SREK1IP1: variants seen among roughly 807,000 people sequenced by gnomAD.
SREK1IP1 encodes the protein SREK1 interacting protein 1.
A neutral mutation model predicts 22.8 loss-of-function variants in SREK1IP1; 12 were observed. That is an observed-to-expected ratio of 0.53 (90% CI 0.34 to 0.85). The LOEUF (loss-of-function observed/expected upper bound fraction) is 0.85. Among genes scored for constraint, SREK1IP1 ranks in the 40% least tolerant of loss-of-function variants. The pLI is 0.02. For missense variants in SREK1IP1, 147 were observed against 171.8 expected (o/e 0.86, Z 0.81); for synonymous variants, 53 against 52.7 (o/e 1.01, Z -0.02).
chr5:64,743,222 A>G (rs538070613), intron 2 of SREK1IP1, among the ~76,000 whole-genome samples: 1 of 152,340 alleles, frequency 6.6e-6, no homozygotes, highest in South Asian at 2.1e-4. Flanking sequence ...GTTCCTTGTC[A>G]ATGTTTAGAT....
Position 64,746,013 on chromosome 5 carries a change from A to T in SREK1IP1, c.62-4813T>A, listed in dbSNP as rs961716614. On this transcript the variant is annotated intron_variant, in intron 2 of 4. Transcript: ENST00000513458. Reference sequence around the variant, plus strand: ...AGCAATCAAAGCAGTTGGTACTGGCATAAGAATAGACACACAGACCAATGG... The same window carrying T: ...AGCAATCAAAGCAGTTGGTACTGGCTTAAGAATAGACACACAGACCAATGG... Among the ~76,000 whole-genome samples the T allele has an allele frequency of 2.6e-5, 4 of 152,234 alleles. No homozygotes were observed. In the South Asian group the frequency reaches 8.3e-4, roughly 31 times the overall value.
At chr5:64,766,705 G>A (rs1277899110) in intron 1 of SREK1IP1, among the ~76,000 whole-genome samples, 1 of 152,182 alleles carries the variant, frequency 6.6e-6, no homozygotes, top group Admixed American at 6.5e-5. Context: ...CAAAATGAAT[G>A]AAGTACACAG....
rs568883464 is a variant in SREK1IP1, at chr5:64,734,614, A to G, written c.206-6435T>C. Among the ~76,000 whole-genome samples the G allele has an allele frequency of 6.6e-5, 10 of 152,102 alleles. No individual in the cohort carries two copies. In the South Asian group the frequency reaches 2.1e-3, roughly 32 times the overall value. On this transcript the variant is annotated intron_variant, in intron 3 of 4. Transcript: ENST00000513458. ...ATGTCCCTCAACAATATTTTGTAAA[A>G]TATGTTTCAGTCTTGCATACCTTGT...
intron 1 of SREK1IP1, among the ~76,000 whole-genome samples, chr5:64,763,978 T>G (rs962340350): frequency 1.3e-5 from 2 of 152,196 alleles, no homozygotes; most frequent in Non-Finnish European, 2.9e-5. Flanking sequence ...AAGGTTAACA[T>G]AACAGTGGTG....
At chr5:64,757,576 T>C (rs941291217) in intron 1 of SREK1IP1, among the ~76,000 whole-genome samples, 14 of 152,206 alleles carry the variant, frequency 9.2e-5, no homozygotes, top group Admixed American at 9.2e-4. Context: ...CACAGGAGTA[T>C]ACAAAATACA....
intron 2 of SREK1IP1, among the ~76,000 whole-genome samples, chr5:64,742,236 G>A (rs1412264420): frequency 1.3e-5 from 2 of 151,984 alleles, no homozygotes; most frequent in Non-Finnish European, 2.9e-5. Flanking sequence ...TGATAGAAAC[G>A]TAGGTTGCTT....
rs1397950692 is a variant in SREK1IP1 at position 64,719,234 on chromosome 5, C to T, written c.*5150G>A. ...TCATTTATTTAATTAATTTAAATAA[C>T]CCTATGTGGCTATACTGGCACCATA... On this transcript the variant is annotated 3_prime_UTR_variant, in exon 5 of 5. Transcript: ENST00000513458. The T allele has an allele frequency of 6.6e-6, 1 of 152,098 alleles. No individual in the cohort carries two copies. The highest frequency in any genetic ancestry group is 1.9e-4 in the East Asian group (1 of 5,188). The allele number at this position is 152,098 out of a possible 1,614,324, so 9.4% of individuals were successfully genotyped here. A position where few individuals can be genotyped will look rare whatever the true frequency, so the allele number is the denominator to read the frequency against.
chr5:64,737,219 T>G (rs1044522045), intron 3 of SREK1IP1, among the ~76,000 whole-genome samples: 43 of 151,866 alleles, frequency 2.8e-4, no homozygotes, highest in African/African-American at 9.7e-4. Flanking sequence ...TTAAGAAGAT[T>G]GGAATCATAT....
At chr5:64,753,167 G>A (rs921327065) in intron 2 of SREK1IP1, among the ~76,000 whole-genome samples, 3 of 152,162 alleles carry the variant, frequency 2.0e-5, no homozygotes, top group African/African-American at 7.2e-5. Flanking sequence ...GTTAAAAGAA[G>A]TCCAAGTATA....
chr5:64,761,006 AAAGT>A (rs1421011796), intron 1 of SREK1IP1, among the ~76,000 whole-genome samples: 1 of 152,246 alleles, frequency 6.6e-6, no homozygotes, highest in African/African-American at 2.4e-5. Context: ...AACACTAAGA[AAAGT>A]AACTGTCAAG....
chr5:64,742,871 T>C (rs1277255653), intron 2 of SREK1IP1, among the ~76,000 whole-genome samples: 1 of 152,204 alleles, frequency 6.6e-6, no homozygotes, highest in Non-Finnish European at 1.5e-5. Context: ...TCTTAGTTGT[T>C]TCTTAGTCTA....
At chr5:64,741,870 T>G (rs1742556587) in intron 2 of SREK1IP1, among the ~76,000 whole-genome samples, 1 of 152,144 alleles carries the variant, frequency 6.6e-6, no homozygotes, top group Non-Finnish European at 1.5e-5. Context: ...GTTAACATTT[T>G]GTCATGCTCA....
At chr5:64,727,140 T>C (rs1223493116) in intron 4 of SREK1IP1, among the ~76,000 whole-genome samples, 2 of 152,170 alleles carry the variant, frequency 1.3e-5, no homozygotes, top group Non-Finnish European at 2.9e-5. Context: ...AAAATACATG[T>C]ATTAAATGCT....
Position 64,724,215 on chromosome 5 carries a change from G to A in SREK1IP1, c.*169C>T. 3 of 560,266 alleles carry A rather than the reference G, an allele frequency of 5.4e-6. No individual in the cohort carries two copies. The highest frequency in any genetic ancestry group is 6.2e-6 in the Non-Finnish European group (2 of 321,684). The allele number at this position is 560,266 out of a possible 1,614,324, so 34.7% of individuals were successfully genotyped here. On this transcript the variant is annotated 3_prime_UTR_variant, in exon 5 of 5. Coordinates refer to ENST00000513458, the MANE Select transcript of SREK1IP1 (RefSeq NM_173829.4). ...ACTGATTTAATACTTTACAGTTACA[G>A]CACATTAAAAATATATTGCCAGAGG...
chr5:64,758,205 A>G lies in SREK1IP1; in HGVS notation c.14-3843T>C, dbSNP rs181680399. 2.4e-3 allele frequency among the ~76,000 whole-genome samples: 357 copies of G among 149,286 alleles called. 1 individual carries two copies. The highest frequency in any genetic ancestry group is 7.7e-3 in the African/African-American group (311 of 40,432). ...TTTTTTTGAGACTGAGTCTTGCTCT[A>G]TCACCCAAGCTGGAGTGCAGTGGAG... On this transcript the variant is annotated intron_variant, in intron 1 of 4. Transcript: ENST00000513458.
rs1202879578 is a variant in SREK1IP1 at position 64,768,187 on chromosome 5, TA to T, written c.13+317del. Reference sequence around the variant, plus strand: ...TTTTAGTTTTAAGCCATACCACAGTTAAGGTAGTTTTTCTCGGCCGCTTGCC... The same window carrying T: ...TTTTAGTTTTAAGCCATACCACAGTTAGGTAGTTTTTCTCGGCCGCTTGCC... On this transcript the variant is annotated intron_variant, in intron 1 of 4. Transcript: ENST00000513458. Among the ~76,000 whole-genome samples the T allele has an allele frequency of 2.6e-5, 4 of 152,048 alleles. No homozygotes were observed. In the South Asian group the frequency reaches 6.2e-4, roughly 24 times the overall value.
chr5:64,744,585 A>C (rs1346360016), intron 2 of SREK1IP1, among the ~76,000 whole-genome samples: 1 of 152,200 alleles, frequency 6.6e-6, no homozygotes, highest in Non-Finnish European at 1.5e-5. Flanking sequence ...TGAAATTGCC[A>C]TTTTTGTAGG....
Position 64,741,138 on chromosome 5 carries a change from A to G in SREK1IP1, c.124T>C (p.Leu42=), listed in dbSNP as rs1279933988. The part of the protein sequence containing the change: ...LRVDPKRDIV[L]DVSSTSSEDS... ...TCACTACTTGTACTGCTGACATCCA[A>G]AACTATGTCCCTTTTAGGGTCTACT... Residue 42 remains leucine, a synonymous_variant, in exon 3 of 5, where the codon TTG becomes CTG. Coordinates refer to ENST00000513458, the MANE Select transcript of SREK1IP1 (RefSeq NM_173829.4). 1 of 1,612,818 alleles carries G rather than the reference A, an allele frequency of 6.2e-7. No homozygotes were observed. Among genetic ancestry groups the G allele is most frequent in the Non-Finnish European group, 8.5e-7 (1 of 1,179,332 alleles).
Position 64,722,397 on chromosome 5 carries a change from T to C in SREK1IP1, c.*1987A>G, listed in dbSNP as rs114076109. On this transcript the variant is annotated 3_prime_UTR_variant, in exon 5 of 5. Transcript: ENST00000513458. ...AACTATTTCACTACAATTACTATCA[T>C]TTTTAACTATCTTACTCAATGGAAT... is the stretch of plus-strand genomic sequence containing the variant. 4.4e-3 allele frequency: 663 copies of C among 152,316 alleles called. 7 individuals carry two copies. Among genetic ancestry groups the C allele is most frequent in the African/African-American group, 0.016 (647 of 41,574 alleles). 9.4% of individuals were successfully genotyped at this position (152,316 alleles called of 1,614,324 possible).
Sources: gnomAD v4.1 joint callset for allele counts (sites outside exome capture counted in the v4.1 genomes callset) on GRCh38, gnomAD v4.1.1 for gene constraint, MANE v1.5 for transcripts, NCBI Gene and HGNC (gene_info 2026-07-23, HGNC 2026-07-21) for gene names.